The following AFTPH variants were observed in gnomAD, a reference collection of about 807,000 sequenced individuals.
The protein encoded by AFTPH is aftiphilin protein.
A neutral mutation model predicts 72.5 loss-of-function variants in AFTPH; 7 were observed. That is an observed-to-expected ratio of 0.10 (90% CI 0.05 to 0.18). AFTPH has a LOEUF of 0.18. AFTPH is among the 10% of genes least tolerant of loss of function. The pLI is 1.00. For missense variants in AFTPH, 979 were observed against 1,060.5 expected, an observed-to-expected ratio of 0.92 and a Z score of 1.07; for synonymous variants, 337 against 370.1, an observed-to-expected ratio of 0.91 and a Z score of 1.03.
At chr2:64,552,557 T>G in exon 2 of AFTPH, 1 of 1,614,078 alleles carries the variant, frequency 6.2e-7, no homozygotes, top group South Asian at 1.1e-5. Flanking sequence ...TTGACTTACT[T>G]ACTTCTAAAT....
intron 1 of AFTPH, among the ~76,000 whole-genome samples, chr2:64,545,109 A>G (rs1670489019): frequency 6.6e-6 from 1 of 152,118 alleles, no homozygotes; most frequent in African/African-American, 2.4e-5. Context: ...AAATTATTTC[A>G]TTTTTAAAGA....
chr2:64,529,924 C>G (rs1002348942), intron 1 of AFTPH, among the ~76,000 whole-genome samples: 1 of 152,114 alleles, frequency 6.6e-6, no homozygotes, highest in Non-Finnish European at 1.5e-5. Context: ...GAGGCCAAGG[C>G]GGGCATATCA....
intron 2 of AFTPH, among the ~76,000 whole-genome samples, chr2:64,556,577 C>T (rs1472116315): frequency 6.6e-6 from 1 of 152,160 alleles, no homozygotes; most frequent in Non-Finnish European, 1.5e-5. Context: ...TTCCACTTTT[C>T]ACTATTTGGT....
At chr2:64,525,320 G>C (rs137875160) in intron 1 of AFTPH, among the ~76,000 whole-genome samples, 4 of 152,350 alleles carry the variant, frequency 2.6e-5, no homozygotes, top group Admixed American at 2.6e-4. Flanking sequence ...GGAGTGAGGG[G>C]TGGTAGGGTC....
chr2:64,538,326 A>G (rs1227087836), intron 1 of AFTPH, among the ~76,000 whole-genome samples: 1 of 152,176 alleles, frequency 6.6e-6, no homozygotes, highest in Non-Finnish European at 1.5e-5. Context: ...AAAACTTTAA[A>G]CCAAGCAAAA....
rs1173168333 is a variant in AFTPH at position 64,577,303 on chromosome 2, A to C, written c.2395-2183A>C. On this transcript the variant is annotated intron_variant, in intron 6 of 8. Coordinates refer to ENST00000238856, the Ensembl canonical transcript of AFTPH. ...TTTCCATACTTGTATACTTGTGAAC[A>C]TCATTAGTTTTAGTCTTTTTTTGCT... is the stretch of plus-strand genomic sequence containing the variant. Among the ~76,000 whole-genome samples the C allele has an allele frequency of 2.6e-5, 4 of 152,054 alleles. No individual in the cohort carries two copies. In the East Asian group the frequency reaches 7.7e-4, roughly 29 times the overall value.
exon 9 of AFTPH, chr2:64,591,941 G>A (rs1477024733): frequency 1.9e-6 from 3 of 1,613,872 alleles, no homozygotes; most frequent in Non-Finnish European, 2.5e-6. Flanking sequence ...GTGATCGCTG[G>A]CCTTCCTGAC....
exon 6 of AFTPH, chr2:64,573,065 C>A: frequency 1.2e-6 from 2 of 1,613,206 alleles, no homozygotes; most frequent in South Asian, 1.1e-5. Context: ...CTGATCAGTT[C>A]CAGGTAAAAA....
At chr2:64,525,718 T>G (rs1669219875) in intron 1 of AFTPH, among the ~76,000 whole-genome samples, 1 of 152,194 alleles carries the variant, frequency 6.6e-6, no homozygotes, top group African/African-American at 2.4e-5. Flanking sequence ...TGTTTCAACA[T>G]TATTATGTTA....
intron 1 of AFTPH, among the ~76,000 whole-genome samples, chr2:64,548,407 GAAAA>G (rs57995634): frequency 8.3e-5 from 5 of 59,970 alleles, no homozygotes; most frequent in Admixed American, 2.2e-4. Context: ...CTCAAAAAAA[GAAAA>G]AAAAAAAAAA....
chr2:64,578,589 C>G lies in AFTPH; in HGVS notation c.2395-897C>G, dbSNP rs139268820. Among the ~76,000 whole-genome samples, 295 of 149,842 alleles carry G rather than the reference C, an allele frequency of 2.0e-3. 5 individuals are homozygous for G. The East Asian group carries it at 0.052, about 26-fold the overall frequency. ...TTTTTTTTTTTTAAACAGTCTCACT[C>G]TGTCGCCCAGGCTAGAGTGCAGTAG... On this transcript the variant is annotated intron_variant, in intron 6 of 8. Coordinates refer to ENST00000238856, the Ensembl canonical transcript of AFTPH.
chr2:64,530,853 G>C (rs983096365), intron 1 of AFTPH, among the ~76,000 whole-genome samples: 2 of 151,942 alleles, frequency 1.3e-5, no homozygotes, highest in South Asian at 4.2e-4. Context: ...CTTGAGGTCA[G>C]GAGTTTGAGA....
exon 8 of AFTPH, chr2:64,585,517 A>G (rs745326741): frequency 1.9e-6 from 3 of 1,612,820 alleles, no homozygotes; most frequent in South Asian, 2.2e-5. Context: ...ACTCATGTCT[A>G]CAGTAGAGAA....
rs775552785 is a variant in AFTPH at position 64,572,937 on chromosome 2, C to A, written c.2272-9C>A. On this transcript the variant is annotated splice_polypyrimidine_tract_variant and intron_variant, in intron 5 of 8. Transcript: ENST00000238856. ...CCATCCCCATTAAAGGCTAATATTC[C>A]TTTTTCAGGGTATGTTAGAGCCCAC... The A allele has an allele frequency of 3.1e-6, 5 of 1,613,726 alleles. No individual in the cohort carries two copies. The Admixed American group carries it at 8.3e-5, about 27-fold the overall frequency.
chr2:64,557,088 T>C (rs1671423762), intron 2 of AFTPH, among the ~76,000 whole-genome samples: 1 of 152,186 alleles, frequency 6.6e-6, no homozygotes, highest in African/African-American at 2.4e-5. Flanking sequence ...ACAATTTTTT[T>C]TTCTGTCCTG....
chr2:64,587,906 C>T (rs1673603659), intron 8 of AFTPH, among the ~76,000 whole-genome samples: 1 of 152,152 alleles, frequency 6.6e-6, no homozygotes, highest in African/African-American at 2.4e-5. Context: ...AGCCATAGAC[C>T]TGTAACTGAA....
At chr2:64,554,143 A>G (rs1194425135) in intron 2 of AFTPH, among the ~76,000 whole-genome samples, 7 of 152,208 alleles carry the variant, frequency 4.6e-5, no homozygotes, top group Non-Finnish European at 7.3e-5. Flanking sequence ...AGCTCTTCCT[A>G]GAGAGTAGGT....
chr2:64,591,706 A>T (rs3770721), intron 8 of AFTPH, among the ~76,000 whole-genome samples, 182 bp from the exon 10 acceptor site: 6,006 of 152,176 alleles, frequency 0.039, 296 homozygotes, highest in African/African-American at 0.11. Context: ...TCTTCATGAG[A>T]TTTGGCATTT....
At position 64,585,415 on chromosome 2, in the gene AFTPH, C is replaced by T; in HGVS notation, c.2456-7C>T. 1 of 1,613,368 alleles carries T rather than the reference C, an allele frequency of 6.2e-7. No individual in the cohort carries two copies. Among genetic ancestry groups the T allele is most frequent in the Middle Eastern group, 1.7e-4 (1 of 6,060 alleles). Reference sequence around the variant, plus strand: ...TGCCATCACTGACTATCATTTTATACTATAAGGTGTGGATCCGGAGTTGTA... The same window carrying T: ...TGCCATCACTGACTATCATTTTATATTATAAGGTGTGGATCCGGAGTTGTA... On this transcript the variant is annotated splice_region_variant and splice_polypyrimidine_tract_variant and intron_variant, in intron 7 of 8. Coordinates refer to ENST00000238856, the Ensembl canonical transcript of AFTPH.
Sources: allele counts gnomAD v4.1 joint callset (sites outside exome capture counted in the v4.1 genomes callset), GRCh38; gene constraint gnomAD v4.1.1; transcripts MANE v1.5; gene names NCBI Gene and HGNC (gene_info 2026-07-23, HGNC 2026-07-21).